The following NRXN1 variants were observed in gnomAD, a reference collection of about 807,000 sequenced individuals.
The protein encoded by NRXN1 is neurexin 1, also known as neurexin-1.
In NRXN1, 39 loss-of-function variants were observed where a neutral mutation model predicts 150.9. That is an observed-to-expected ratio of 0.26 (90% CI 0.20 to 0.34). The LOEUF is 0.34. Among genes scored for constraint, NRXN1 ranks in the 10% least tolerant of loss-of-function variants. The probability of loss-of-function intolerance (pLI) is 1.00; values close to 1 mark genes in which losing one functional copy is unlikely to be tolerated. For missense variants in NRXN1, 1,815 were observed against 1,949.9 expected, an observed-to-expected ratio of 0.93 and a Z score of 1.30; for synonymous variants, 924 against 757.0, an observed-to-expected ratio of 1.22 and a Z score of -3.62.
chr2:50,746,445 G>C (rs1262536238), intron 5 of NRXN1, among the ~76,000 whole-genome samples: 1 of 151,956 alleles, frequency 6.6e-6, no homozygotes, highest in Non-Finnish European at 1.5e-5. Context: ...TGTGGTCCCA[G>C]CTACATGGAA....
At chr2:51,021,618 C>T (rs867282305) in intron 2 of NRXN1, among the ~76,000 whole-genome samples, 3 of 151,764 alleles carry the variant, frequency 2.0e-5, no homozygotes, top group Admixed American at 6.6e-5. Context: ...AAAATAACAG[C>T]TTGCTTGAAC....
intron 2 of NRXN1, among the ~76,000 whole-genome samples, chr2:50,930,331 T>C (rs1415665856): frequency 6.6e-6 from 1 of 151,992 alleles, no homozygotes; most frequent in Non-Finnish European, 1.5e-5. Flanking sequence ...AAGACATTTG[T>C]GGTATTTAAT....
At chr2:49,976,318 A>G (rs916595123) in intron 21 of NRXN1, among the ~76,000 whole-genome samples, 7 of 151,848 alleles carry the variant, frequency 4.6e-5, no homozygotes, top group African/African-American at 1.5e-4. Flanking sequence ...TAGAGGCATG[A>G]GCCACCCTGC....
At chr2:50,429,064 A>G (rs1417777731) in intron 17 of NRXN1, among the ~76,000 whole-genome samples, 7 of 152,112 alleles carry the variant, frequency 4.6e-5, no homozygotes, top group African/African-American at 1.4e-4. Flanking sequence ...TTTTTGCCAT[A>G]CACATTTTTT....
intron 18 of NRXN1, among the ~76,000 whole-genome samples, chr2:50,100,499 T>C (rs1164127386): frequency 1.3e-5 from 2 of 152,088 alleles, no homozygotes; most frequent in African/African-American, 4.8e-5. Flanking sequence ...AATCTTGATA[T>C]CGGTATTTTA....
At chr2:50,865,384 T>C (rs1676735127) in intron 5 of NRXN1, among the ~76,000 whole-genome samples, 1 of 151,856 alleles carries the variant, frequency 6.6e-6, no homozygotes, top group African/African-American at 2.4e-5. Context: ...AATTAGTGTG[T>C]GTCTCTGTGT....
intron 5 of NRXN1, among the ~76,000 whole-genome samples, chr2:50,848,592 G>A (rs2105964691): frequency 6.6e-6 from 1 of 152,260 alleles, no homozygotes; most frequent in Admixed American, 6.5e-5. Context: ...GAAAAACCCT[G>A]TGGGGTTTTC....
chr2:50,046,679 G>C (rs1275221309), intron 21 of NRXN1, among the ~76,000 whole-genome samples: 1 of 152,126 alleles, frequency 6.6e-6, no homozygotes, highest in East Asian at 1.9e-4. Flanking sequence ...AGGAAACTGA[G>C]GTCTAAGTAA....
At position 50,585,675 on chromosome 2, in the gene NRXN1, A is replaced by C. The variant is rs555896324; in HGVS notation, c.1321-32650T>G. Reference sequence around the variant, plus strand: ...TGAAAATAAAGCAATCAAAATTTTCAAAAGTAATAAGCACACAGAAATTTC... The same window carrying C: ...TGAAAATAAAGCAATCAAAATTTTCCAAAGTAATAAGCACACAGAAATTTC... On this transcript the variant is annotated intron_variant, in intron 8 of 22. Coordinates refer to ENST00000401669, the MANE Select transcript of NRXN1 (RefSeq NM_001330078.2). Among the ~76,000 whole-genome samples the C allele has an allele frequency of 9.8e-5, 15 of 152,344 alleles. No homozygotes were observed. In the East Asian group the frequency reaches 2.9e-3, roughly 29 times the overall value.
intron 17 of NRXN1, among the ~76,000 whole-genome samples, chr2:50,355,640 T>C (rs2078746115): frequency 6.6e-6 from 1 of 152,198 alleles, no homozygotes; most frequent in Non-Finnish European, 1.5e-5. Flanking sequence ...TCTCTTAGTA[T>C]TGCATTAATT....
chr2:50,651,513 A>G (rs913346430), intron 5 of NRXN1, among the ~76,000 whole-genome samples: 1 of 148,948 alleles, frequency 6.7e-6, no homozygotes, highest in Admixed American at 6.6e-5. Context: ...ACATGACATA[A>G]CATGACATAA....
intron 17 of NRXN1, among the ~76,000 whole-genome samples, chr2:50,301,424 A>G (rs1205635462): frequency 6.6e-6 from 1 of 152,246 alleles, no homozygotes; most frequent in Admixed American, 6.5e-5. Context: ...TGGTCATACC[A>G]TTTAGCACAA....
intron 21 of NRXN1, among the ~76,000 whole-genome samples, chr2:49,960,669 C>CA: frequency 6.6e-6 from 1 of 152,164 alleles, no homozygotes; most frequent in Non-Finnish European, 1.5e-5. Flanking sequence ...TGAAAGCACA[C>CA]AATCCAGTCA....
At chr2:50,215,470 G>T (rs2063331182) in intron 18 of NRXN1, among the ~76,000 whole-genome samples, 2 of 151,846 alleles carry the variant, frequency 1.3e-5, no homozygotes, top group African/African-American at 4.8e-5. Flanking sequence ...AAATATTACT[G>T]GGTGAAAACA....
intron 5 of NRXN1, among the ~76,000 whole-genome samples, chr2:50,791,124 TG>T (rs908783873): frequency 6.8e-6 from 1 of 147,820 alleles, no homozygotes. Context: ...GCAATCAAAA[TG>T]TTTTTTTTTT....
At chr2:50,837,170 C>T (rs1672235591) in intron 5 of NRXN1, among the ~76,000 whole-genome samples, 1 of 152,034 alleles carries the variant, frequency 6.6e-6, no homozygotes, top group Non-Finnish European at 1.5e-5. Flanking sequence ...GATGAATGAA[C>T]CAATGAAAAA....
chr2:50,221,173 C>G (rs1156562958), intron 18 of NRXN1, among the ~76,000 whole-genome samples: 4 of 126,678 alleles, frequency 3.2e-5, no homozygotes, highest in Non-Finnish European at 5.3e-5. Context: ...AGACAAACAA[C>G]CTGTTGGAAA....
chr2:49,938,114 A>T lies in NRXN1; in HGVS notation c.4216+5590T>A, dbSNP rs530639042. Among the ~76,000 whole-genome samples the T allele has an allele frequency of 3.8e-4, 58 of 152,298 alleles. 2 individuals carry two copies. Among genetic ancestry groups the T allele is most frequent in the African/African-American group, 1.4e-3 (57 of 41,570 alleles). ...AAATTATTTAAATGAACTTTTGAAA[A>T]ATCGATTCTATATTTGTGAGGTGCC... is the stretch of plus-strand genomic sequence containing the variant. On this transcript the variant is annotated intron_variant, in intron 22 of 22. Transcript: ENST00000401669.
At chr2:50,235,454 G>C (rs1430947511) in intron 18 of NRXN1, among the ~76,000 whole-genome samples, 2 of 151,992 alleles carry the variant, frequency 1.3e-5, no homozygotes, top group African/African-American at 4.8e-5. Flanking sequence ...TGTTTTTCAA[G>C]CTTATCAATG....
Sources: allele counts gnomAD v4.1 joint callset (sites outside exome capture counted in the v4.1 genomes callset), GRCh38; gene constraint gnomAD v4.1.1; transcripts MANE v1.5; gene names NCBI Gene and HGNC (gene_info 2026-07-23, HGNC 2026-07-21).